Variants in CNTN1 observed in about 807,000 individuals in gnomAD.
The protein encoded by CNTN1 is contactin-1.
A neutral mutation model predicts 126.4 loss-of-function variants in CNTN1; 38 were observed. The ratio of observed to expected loss-of-function variants is 0.30; its 90% confidence interval spans 0.23 to 0.39. The LOEUF (loss-of-function observed/expected upper bound fraction) is 0.39. CNTN1 is among the 10% of genes least tolerant of loss of function. The pLI is 1.00. For synonymous variants in CNTN1, 413 were observed against 422.6 expected (o/e 0.98, Z 0.28); for missense variants, 1,009 against 1,248.4 (o/e 0.81, Z 2.89).
intron 1 of CNTN1, among the ~76,000 whole-genome samples, chr12:40,774,153 A>G (rs958636580): frequency 5.9e-5 from 9 of 151,782 alleles, no homozygotes; most frequent in African/African-American, 2.2e-4. Context: ...CTTGGTTGAT[A>G]TAGGTGGGAC....
intron 1 of CNTN1, among the ~76,000 whole-genome samples, chr12:40,715,149 G>A (rs1162852269): frequency 6.6e-6 from 1 of 152,144 alleles, no homozygotes; most frequent in Non-Finnish European, 1.5e-5. Context: ...GGAATTGCTT[G>A]TTAAAACAGA....
intron 14 of CNTN1, among the ~76,000 whole-genome samples, chr12:40,958,092 CA>C (rs1337739064): frequency 1.3e-5 from 2 of 151,896 alleles, no homozygotes; most frequent in Non-Finnish European, 2.9e-5. Flanking sequence ...TTGAGTTTTC[CA>C]AGTTTTCATT....
chr12:40,868,682 C>A (rs541600945), intron 1 of CNTN1, among the ~76,000 whole-genome samples: 13 of 152,190 alleles, frequency 8.5e-5, no homozygotes, highest in African/African-American at 2.6e-4. Flanking sequence ...TGATAGGTTG[C>A]CATTGATCCT....
At chr12:40,848,391 C>T (rs145882990) in intron 1 of CNTN1, among the ~76,000 whole-genome samples, 1 of 152,158 alleles carries the variant, frequency 6.6e-6, no homozygotes, top group East Asian at 1.9e-4. Context: ...CATATTGTTA[C>T]CTCATTTATT....
At chr12:40,787,589 T>C (rs1399555258) in intron 1 of CNTN1, among the ~76,000 whole-genome samples, 22 of 152,170 alleles carry the variant, frequency 1.4e-4, no homozygotes, top group Non-Finnish European at 2.9e-5. Flanking sequence ...CTCATGACTT[T>C]TCATTTCATT....
At position 40,836,478 on chromosome 12, in the gene CNTN1, G is replaced by A. The variant is rs575701412; in HGVS notation, c.-76-71879G>A. Among the ~76,000 whole-genome samples the A allele has an allele frequency of 2.4e-4, 36 of 151,858 alleles. 1 individual carries two copies. The South Asian group carries it at 6.4e-3, about 27-fold the overall frequency. Reference sequence around the variant, plus strand: ...TTTTATGTACAATGGTTATGCAAAGGGAAGATTTTTCCCTGTTGCCATGGG... The same window carrying A: ...TTTTATGTACAATGGTTATGCAAAGAGAAGATTTTTCCCTGTTGCCATGGG... On this transcript the variant is annotated intron_variant, in intron 1 of 23. Transcript: ENST00000551295.
chr12:41,043,384 A>G (rs1365187690), intron 23 of CNTN1, among the ~76,000 whole-genome samples: 2 of 152,180 alleles, frequency 1.3e-5, no homozygotes, highest in Admixed American at 6.5e-5. Context: ...TATGCAGCCA[A>G]AAAACATGAA....
At chr12:40,913,413 A>G (rs997763959) in intron 3 of CNTN1, among the ~76,000 whole-genome samples, 1 of 152,188 alleles carries the variant, frequency 6.6e-6, no homozygotes, top group Non-Finnish European at 1.5e-5. Context: ...CTCCCCACCC[A>G]ATAATCACTG....
At chr12:41,002,593 T>TGTTGCCCA (rs1948391348) in intron 17 of CNTN1, among the ~76,000 whole-genome samples, 1 of 148,910 alleles carries the variant, frequency 6.7e-6, no homozygotes, top group African/African-American at 2.5e-5. Flanking sequence ...AGTCTTGCTC[T>TGTTGCCCA]GTTGCCCAGG....
At chr12:40,904,537 T>C (rs1457964922) in intron 1 of CNTN1, among the ~76,000 whole-genome samples, 1 of 152,080 alleles carries the variant, frequency 6.6e-6, no homozygotes, top group Admixed American at 6.5e-5. Flanking sequence ...CAAGCAATTC[T>C]CCTGCTTCAG....
intron 1 of CNTN1, among the ~76,000 whole-genome samples, chr12:40,905,992 T>G (rs1348994359): frequency 6.6e-6 from 1 of 152,210 alleles, no homozygotes; most frequent in African/African-American, 2.4e-5. Flanking sequence ...AAAAGAATTG[T>G]TGGCCGGGTG....
intron 15 of CNTN1, chr12:40,978,594 GA>G (rs1947743401): frequency 6.6e-6 from 1 of 151,986 alleles, no homozygotes; most frequent in Non-Finnish European, 1.5e-5. Flanking sequence ...ATGTATCCGA[GA>G]AAACAATGGA....
chr12:40,771,485 T>G (rs1438340679), intron 1 of CNTN1, among the ~76,000 whole-genome samples: 1 of 152,064 alleles, frequency 6.6e-6, no homozygotes, highest in Non-Finnish European at 1.5e-5. Flanking sequence ...ACTCTATATA[T>G]TTAAGAGGGA....
chr12:40,836,298 T>A (rs1942058754), intron 1 of CNTN1, among the ~76,000 whole-genome samples: 2 of 146,176 alleles, frequency 1.4e-5, no homozygotes, highest in African/African-American at 5.2e-5. Context: ...CATATATGTG[T>A]ATATATATAT....
chr12:40,799,756 C>A (rs1940574510), intron 1 of CNTN1, among the ~76,000 whole-genome samples: 1 of 151,960 alleles, frequency 6.6e-6, no homozygotes, highest in Non-Finnish European at 1.5e-5. Context: ...CAACTAGGAG[C>A]ACTTACTATA....
At chr12:41,059,980 C>T (rs1756025420) in intron 23 of CNTN1, among the ~76,000 whole-genome samples, 1 of 151,656 alleles carries the variant, frequency 6.6e-6, no homozygotes. Flanking sequence ...GAGCTGTGAT[C>T]GCATCTTTGC....
At position 41,070,164 on chromosome 12, in the gene CNTN1, C is replaced by A; in HGVS notation, c.*129C>A. On this transcript the variant is annotated 3_prime_UTR_variant, in exon 24 of 24. Coordinates refer to ENST00000551295, the MANE Select transcript of CNTN1 (RefSeq NM_001843.4). ...ATAAATTATACTTTAACAAACTATT[C>A]AACTGATTTACAACACACATGATGA... The A allele has an allele frequency of 1.2e-6, 1 of 806,980 alleles. No homozygotes were observed. The highest frequency in any genetic ancestry group is 1.7e-5 in the African/African-American group (1 of 59,374). The allele number at this position is 806,980 out of a possible 1,614,324, so 50.0% of individuals were successfully genotyped here.
chr12:40,815,358 C>T (rs1941223635), intron 1 of CNTN1, among the ~76,000 whole-genome samples: 1 of 152,066 alleles, frequency 6.6e-6, no homozygotes, highest in African/African-American at 2.4e-5. Flanking sequence ...TTGAAGAGGT[C>T]CTTCACATCC....
intron 1 of CNTN1, among the ~76,000 whole-genome samples, chr12:40,748,612 C>T (rs999689774): frequency 4.6e-5 from 7 of 152,080 alleles, no homozygotes; most frequent in African/African-American, 1.7e-4. Flanking sequence ...ATTTAAAACA[C>T]AATGTAAAAT....
Sources: allele counts gnomAD v4.1 joint callset (sites outside exome capture counted in the v4.1 genomes callset), GRCh38; gene constraint gnomAD v4.1.1; transcripts MANE v1.5; gene names NCBI Gene and HGNC (gene_info 2026-07-23, HGNC 2026-07-21).